Variants in SAMSN1 observed in about 807,000 individuals in gnomAD.
SAMSN1 encodes the protein SAM domain-containing protein SAMSN-1.
SAMSN1 carries 31 observed loss-of-function variants against 42.0 expected under a neutral mutation model. That is an observed-to-expected ratio of 0.74 (90% confidence interval 0.55 to 1.00). The LOEUF (loss-of-function observed/expected upper bound fraction) is 1.00. Ranked by LOEUF, SAMSN1 falls within the 50% of genes least tolerant of loss-of-function variation. The pLI is 0.00. For missense variants in SAMSN1, 464 were observed against 439.4 expected, an observed-to-expected ratio of 1.06 and a Z score of -0.50; for synonymous variants, 178 against 151.9, an observed-to-expected ratio of 1.17 and a Z score of -1.26.
At chr21:14,557,370 C>T (rs571378906) in intron 2 of SAMSN1, among the ~76,000 whole-genome samples, 189 of 152,262 alleles carry the variant, frequency 1.2e-3, no homozygotes, top group Middle Eastern at 3.4e-3. Context: ...AGAGTCTTAA[C>T]AAATACTAAT....
chr21:14,504,724 T>G (rs564243436), intron 5 of SAMSN1, among the ~76,000 whole-genome samples: 2 of 152,328 alleles, frequency 1.3e-5, no homozygotes, highest in East Asian at 3.9e-4. Flanking sequence ...GCTAGAGATC[T>G]AGACATCCAA....
chr21:14,511,784 G>A (rs1382654119), intron 4 of SAMSN1, among the ~76,000 whole-genome samples: 1 of 152,120 alleles, frequency 6.6e-6, no homozygotes, highest in African/African-American at 2.4e-5. Flanking sequence ...TTCCTTCTTA[G>A]AAAAAATATT....
Position 14,609,540 on chromosome 21 carries a change from C to A in SAMSN1, c.264G>T (p.Trp88Cys), listed in dbSNP as rs770624870. 9 of 717,820 alleles carry A rather than the reference C, an allele frequency of 1.3e-5. No homozygotes were observed. The South Asian group carries it at 1.3e-4, about 11-fold the overall frequency. 44.5% of individuals were successfully genotyped at this position (717,820 alleles called of 1,614,324 possible). A position where few individuals can be genotyped will look rare whatever the true frequency, so the allele number is the denominator to read the frequency against. Residue 88 changes from tryptophan (W) to cysteine (C), a missense_variant, in exon 5 of 16, where the codon TGG becomes TGT. Transcript: ENST00000647101. ...CATTCTTATGCTTGCTGTGTTCCTG[C>A]CAGATTTTGTCATTCACAGTTTTTC...
chr21:14,657,274 G>T (rs1983931483), intron 1 of SAMSN1, among the ~76,000 whole-genome samples: 1 of 151,728 alleles, frequency 6.6e-6, no homozygotes, highest in South Asian at 2.1e-4. Context: ...AAAAGACTAG[G>T]GTTCTTGATG....
At chr21:14,504,960 A>G (rs1259151730) in intron 5 of SAMSN1, among the ~76,000 whole-genome samples, 1 of 152,218 alleles carries the variant, frequency 6.6e-6, no homozygotes, top group African/African-American at 2.4e-5. Flanking sequence ...TTCTCAAACA[A>G]GACAATTATT....
intron 2 of SAMSN1, among the ~76,000 whole-genome samples, chr21:14,552,279 A>T (rs1355738220): frequency 1.3e-5 from 2 of 151,950 alleles, no homozygotes; most frequent in African/African-American, 2.4e-5. Context: ...GAGTAGAAGC[A>T]CAAATGAGAC....
chr21:14,523,518 C>T (rs144244819), intron 1 of SAMSN1: 1 of 152,232 alleles, frequency 6.6e-6, no homozygotes, highest in Non-Finnish European at 1.5e-5. Flanking sequence ...TCCAACTTGC[C>T]TAGGAGGTGT....
chr21:14,602,330 C>G (rs897880920), intron 5 of SAMSN1, among the ~76,000 whole-genome samples: 1 of 151,808 alleles, frequency 6.6e-6, no homozygotes, highest in African/African-American at 2.4e-5. Flanking sequence ...CCATCTGTGT[C>G]CCTGAGGAAG....
At chr21:14,488,262 A>C (rs1440023802) in intron 7 of SAMSN1, among the ~76,000 whole-genome samples, 1 of 152,146 alleles carries the variant, frequency 6.6e-6, no homozygotes, top group Admixed American at 6.6e-5. Context: ...TCCCCAGATT[A>C]TGTTTGGGCC....
At chr21:14,570,967 C>G (rs1449688482) in intron 2 of SAMSN1, among the ~76,000 whole-genome samples, 1 of 152,194 alleles carries the variant, frequency 6.6e-6, no homozygotes, top group African/African-American at 2.4e-5. Context: ...TCCCACATCT[C>G]CGTGTTTTCT....
chr21:14,493,813 T>C (rs1165383711), intron 7 of SAMSN1, among the ~76,000 whole-genome samples: 6 of 152,216 alleles, frequency 3.9e-5, no homozygotes, highest in Admixed American at 1.3e-4. Flanking sequence ...AGGGAACCGA[T>C]GACCTAATTC....
chr21:14,646,783 T>C (rs549376509), intron 1 of SAMSN1, among the ~76,000 whole-genome samples: 2 of 152,182 alleles, frequency 1.3e-5, no homozygotes, highest in African/African-American at 4.8e-5. Flanking sequence ...ACAAAGTTAA[T>C]GTATAGAGTT....
chr21:14,606,570 A>C (rs1386602158), intron 5 of SAMSN1, among the ~76,000 whole-genome samples: 2 of 152,160 alleles, frequency 1.3e-5, no homozygotes, highest in African/African-American at 4.8e-5. Context: ...TACTAAAATA[A>C]ATATTATAAA....
At chr21:14,566,834 G>A (rs1043242457) in intron 2 of SAMSN1, among the ~76,000 whole-genome samples, 9 of 152,062 alleles carry the variant, frequency 5.9e-5, no homozygotes, top group African/African-American at 2.2e-4. Flanking sequence ...CACTGCACCT[G>A]GCCTTTCTCA....
intron 2 of SAMSN1, among the ~76,000 whole-genome samples, chr21:14,630,973 C>T (rs1983313447): frequency 6.6e-6 from 1 of 152,186 alleles, no homozygotes. Context: ...ACTTTGACTT[C>T]TCCATTACTC....
At chr21:14,499,053 G>C (rs1987026498) in intron 6 of SAMSN1, among the ~76,000 whole-genome samples, 1 of 152,120 alleles carries the variant, frequency 6.6e-6, no homozygotes, top group African/African-American at 2.4e-5. Flanking sequence ...TCTTGGGGTA[G>C]GTTAAAAAAT....
intron 6 of SAMSN1, among the ~76,000 whole-genome samples, chr21:14,599,475 T>A (rs1353462358): frequency 6.6e-6 from 1 of 152,184 alleles, no homozygotes; most frequent in Non-Finnish European, 1.5e-5. Context: ...CAATTAAACC[T>A]CTTTCCTTTA....
chr21:14,492,106 A>G (rs1418682821), intron 7 of SAMSN1, among the ~76,000 whole-genome samples: 3 of 152,182 alleles, frequency 2.0e-5, no homozygotes, highest in Non-Finnish European at 4.4e-5. Flanking sequence ...ACCCAAAACT[A>G]CTAGATTTTT....
At chr21:14,501,150 A>G (rs112292385) in intron 5 of SAMSN1, among the ~76,000 whole-genome samples, 2 of 152,216 alleles carry the variant, frequency 1.3e-5, no homozygotes, top group Non-Finnish European at 2.9e-5. Context: ...CTTAAAAAAA[A>G]TTCAAAGAAG....
Sources: gnomAD v4.1 joint callset for allele counts (sites outside exome capture counted in the v4.1 genomes callset) on GRCh38, gnomAD v4.1.1 for gene constraint, MANE v1.5 for transcripts, NCBI Gene and HGNC (gene_info 2026-07-23, HGNC 2026-07-21) for gene names.